The following BTG1 variants were observed in gnomAD, a reference collection of about 807,000 sequenced individuals.
The protein encoded by BTG1 is protein BTG1.
BTG1 carries 2 observed loss-of-function variants against 15.2 expected under a neutral mutation model. The observed-to-expected ratio is 0.13, with a 90% confidence interval of 0.05 to 0.41. The LOEUF (loss-of-function observed/expected upper bound fraction) is 0.41. Ranked by LOEUF, BTG1 falls within the 10% of genes least tolerant of loss-of-function variation. The probability of loss-of-function intolerance (pLI) is 0.99; values close to 1 mark genes in which losing one functional copy is unlikely to be tolerated. For missense variants in BTG1, 149 were observed against 215.0 expected (o/e 0.69, Z 1.92); for synonymous variants, 109 against 82.4 (o/e 1.32, Z -1.75).
rs1296607580 is a variant in BTG1, at chr12:92,140,403, G to T, written c.*3677C>A. On this transcript the variant is annotated 3_prime_UTR_variant, in exon 2 of 2. Transcript: ENST00000256015. ...TACTCCACAAAGTGTTGAGGAAATG[G>T]TATCAATCCTCAGGATTAATACAAT... The T allele has an allele frequency of 4.5e-6, 1 of 222,598 alleles. No homozygotes were observed. The highest frequency in any genetic ancestry group is 9.0e-6 in the Non-Finnish European group (1 of 111,572). The allele number at this position is 222,598 out of a possible 1,614,324, so 13.8% of individuals were successfully genotyped here. A position where few individuals can be genotyped will look rare whatever the true frequency, so the allele number is the denominator to read the frequency against.
chr12:92,144,794 T>C (rs1215099417), intron 1 of BTG1, among the ~76,000 whole-genome samples: 4 of 151,618 alleles, frequency 2.6e-5, no homozygotes, highest in Non-Finnish European at 4.4e-5. Flanking sequence ...CACAATGGAG[T>C]TGATGGCTTT....
Position 92,143,061 on chromosome 12 carries a change from T to C in BTG1, c.*1019A>G, listed in dbSNP as rs561800502. The C allele has an allele frequency of 5.6e-5, 13 of 232,756 alleles. No homozygotes were observed. The highest frequency in any genetic ancestry group is 8.5e-5 in the Non-Finnish European group (10 of 117,850). 14.4% of individuals were successfully genotyped at this position (232,756 alleles called of 1,614,324 possible). A position where few individuals can be genotyped will look rare whatever the true frequency, so the allele number is the denominator to read the frequency against. ...CAGTGTGCAACAGAGATTCAGTTTA[T>C]AGAACCTGTCTTCTAAGAAAAAATA... On this transcript the variant is annotated 3_prime_UTR_variant, in exon 2 of 2. Coordinates refer to ENST00000256015, the MANE Select transcript of BTG1 (RefSeq NM_001731.3).
intron 1 of BTG1, chr12:92,145,165 C>T (rs1870502399): frequency 1.1e-5 from 6 of 561,062 alleles, no homozygotes; most frequent in Non-Finnish European, 1.6e-5. Context: ...GTCTTCTCCT[C>T]TCCGTTTTGC....
intron 1 of BTG1, 200 bp downstream of exon 1, chr12:92,145,188 A>G: frequency 1.4e-6 from 1 of 705,230 alleles, no homozygotes; most frequent in East Asian, 3.7e-5. Flanking sequence ...GCTGGGGGGA[A>G]GGGGGCGCCC....
Position 92,141,258 on chromosome 12 carries a change from C to T in BTG1, c.*2822G>A, listed in dbSNP as rs1870204686. On this transcript the variant is annotated 3_prime_UTR_variant, in exon 2 of 2. Transcript: ENST00000256015. Reference sequence around the variant, plus strand: ...GTGCAATGTACCTGAAAGCCACTTTCTGGTGGCCTTTCCAGTCTATTATTA... The same window carrying T: ...GTGCAATGTACCTGAAAGCCACTTTTTGGTGGCCTTTCCAGTCTATTATTA... The T allele has an allele frequency of 4.3e-6, 1 of 232,516 alleles. No individual in the cohort carries two copies. The highest frequency in any genetic ancestry group is 2.2e-5 in the African/African-American group (1 of 45,316). The allele number at this position is 232,516 out of a possible 1,614,324, so 14.4% of individuals were successfully genotyped here.
intron 1 of BTG1, chr12:92,145,182 G>C (rs938601829): frequency 9.0e-6 from 6 of 669,476 alleles, no homozygotes; most frequent in African/African-American, 1.9e-5. Flanking sequence ...TTGCCAGCTG[G>C]GGGGAAGGGG....
intron 1 of BTG1, 21 bp downstream of exon 1, chr12:92,145,367 C>G: frequency 6.5e-7 from 1 of 1,530,194 alleles, no homozygotes; most frequent in Non-Finnish European, 8.8e-7. Context: ...CGCGTCCCTC[C>G]GACGCCCTCG....
Position 92,140,977 on chromosome 12 carries a change from T to C in BTG1, c.*3103A>G, listed in dbSNP as rs965042451. ...ATGCAAAGTACAACTTCAGTTATCATACCTCTCTTCTGTAAAGAGGAAGAA... is the reference window on the plus strand; with the variant it reads ...ATGCAAAGTACAACTTCAGTTATCACACCTCTCTTCTGTAAAGAGGAAGAA... On this transcript the variant is annotated 3_prime_UTR_variant, in exon 2 of 2. Coordinates refer to ENST00000256015, the MANE Select transcript of BTG1 (RefSeq NM_001731.3). 81 of 232,822 alleles carry C rather than the reference T, an allele frequency of 3.5e-4. 1 individual carries two copies. The highest frequency in any genetic ancestry group is 3.1e-3 in the Admixed American group (56 of 17,804). 14.4% of individuals were successfully genotyped at this position (232,822 alleles called of 1,614,324 possible).
Position 92,141,561 on chromosome 12 carries a change from C to T in BTG1, c.*2519G>A. The T allele has an allele frequency of 4.3e-6, 1 of 231,338 alleles. No individual in the cohort carries two copies. Among genetic ancestry groups the T allele is most frequent in the East Asian group, 6.1e-5 (1 of 16,298 alleles). The allele number at this position is 231,338 out of a possible 1,614,324, so 14.3% of individuals were successfully genotyped here. A position where few individuals can be genotyped will look rare whatever the true frequency, so the allele number is the denominator to read the frequency against. On this transcript the variant is annotated 3_prime_UTR_variant, in exon 2 of 2. Coordinates refer to ENST00000256015, the MANE Select transcript of BTG1 (RefSeq NM_001731.3). ...AGGCAACAATAATTTTGAAAGTAGT[C>T]ATCCTATCTTAAAAGGATTTATAAT...
chr12:92,142,105 T>A lies in BTG1; in HGVS notation c.*1975A>T, dbSNP rs1374838982. ...AAACCATAACAATTGGCAAGGGTAG[T>A]CCATGTGTTGCGGGTCTACGAATTC... On this transcript the variant is annotated 3_prime_UTR_variant, in exon 2 of 2. Coordinates refer to ENST00000256015, the MANE Select transcript of BTG1 (RefSeq NM_001731.3). The A allele has an allele frequency of 4.3e-6, 1 of 232,042 alleles. No homozygotes were observed. The highest frequency in any genetic ancestry group is 8.5e-6 in the Non-Finnish European group (1 of 117,414). 14.4% of individuals were successfully genotyped at this position (232,042 alleles called of 1,614,324 possible).
rs1592657045 is a variant in BTG1 at position 92,143,874 on chromosome 12, GC to G, written c.*205del. The G allele has an allele frequency of 1.8e-6, 1 of 555,696 alleles. No individual in the cohort carries two copies. Among genetic ancestry groups the G allele is most frequent in the Non-Finnish European group, 3.0e-6 (1 of 329,350 alleles). 34.4% of individuals were successfully genotyped at this position (555,696 alleles called of 1,614,324 possible). A position where few individuals can be genotyped will look rare whatever the true frequency, so the allele number is the denominator to read the frequency against. On this transcript the variant is annotated 3_prime_UTR_variant, in exon 2 of 2. Transcript: ENST00000256015. ...AGTGATCATTTACTTGGACTCACAG[GC>G]TATTAAAATTAATCATTGAAAGGTA...
intron 1 of BTG1, 123 bp downstream of exon 1, chr12:92,145,265 C>A: frequency 1.5e-6 from 2 of 1,305,042 alleles, no homozygotes; most frequent in Non-Finnish European, 2.0e-6. Context: ...CCACACCGGT[C>A]CCGCGGCGGG....
In BTG1 at chr12:92,145,474, A is replaced by G; in HGVS notation, c.62T>C (p.Phe21Ser). 6.3e-7 allele frequency: 1 copy of G among 1,590,586 alleles called. No individual in the cohort carries two copies. The highest frequency in any genetic ancestry group is 2.4e-5 in the East Asian group (1 of 41,274). ...MIGEIAAAVS[F>S]ISKFLRTKGL... ...CTTGGTGCGGAGAAACTTGGAGATG[A>G]AGGACACGGCGGCGGCGATCTCGCC... The change falls in exon 1 of 2, where the codon TTC becomes TCC. Residue 21 changes from phenylalanine (F) to serine (S), a missense_variant. Around this residue, in one of 3 missense-constraint regions of BTG1, gnomAD observed 63 missense variants for 60.8 expected, o/e 1.04. Coordinates refer to ENST00000256015, the MANE Select transcript of BTG1 (RefSeq NM_001731.3).
chr12:92,145,041 A>C, intron 1 of BTG1: 1 of 187,796 alleles, frequency 5.3e-6, no homozygotes, highest in Non-Finnish European at 1.1e-5. Context: ...GGGCTGAGGA[A>C]AGGGGACGTC....
In BTG1 at chr12:92,144,196, T is replaced by C. The variant is rs1228361802; in HGVS notation, c.400A>G (p.Thr134Ala). The C allele has an allele frequency of 1.2e-6, 2 of 1,614,064 alleles. No homozygotes were observed. The highest frequency in any genetic ancestry group is 1.3e-5 in the African/African-American group (1 of 74,934). ...LYEASPAGGS[T>A]QNSTNVQMVD... The stretch of plus-strand genomic sequence containing the variant: ...ATTTGCACGTTGGTGCTGTTTTGAG[T>C]GCTACCTCCTGCTGGTGAGGCTTCA... Residue 134 changes from threonine to alanine, a missense_variant, in exon 2 of 2, where the codon ACT becomes GCT. By Grantham distance (58) the Thr-to-Ala change is moderately conservative. This residue lies in a region of BTG1 where 52 missense variants were observed against 57.4 expected (regional missense o/e 0.91). Transcript: ENST00000256015.
In BTG1 at chr12:92,140,434, G is replaced by C. The variant is rs1283641112; in HGVS notation, c.*3646C>G. On this transcript the variant is annotated 3_prime_UTR_variant, in exon 2 of 2. Transcript: ENST00000256015. ...ATCCTCAGGATTAATACAATCTAAG[G>C]CTTACTTGTTTAGGAGCATTTCAAA... 1.3e-5 allele frequency: 3 copies of C among 225,560 alleles called. No individual in the cohort carries two copies. The highest frequency in any genetic ancestry group is 6.7e-5 in the African/African-American group (3 of 44,896). The allele number at this position is 225,560 out of a possible 1,614,324, so 14.0% of individuals were successfully genotyped here. A position where few individuals can be genotyped will look rare whatever the true frequency, so the allele number is the denominator to read the frequency against.
At chr12:92,144,492 A>G (rs1450656068) in intron 1 of BTG1, 45 bp from the exon 2 acceptor site, 14 of 1,596,946 alleles carry the variant, frequency 8.8e-6, no homozygotes, top group Non-Finnish European at 1.2e-5. Flanking sequence ...TAGGATCGTT[A>G]GCTCCCACTG....
rs764927448 is a variant in BTG1, at chr12:92,144,076, T to C, written c.*4A>G. 5.0e-6 allele frequency: 8 copies of C among 1,610,996 alleles called. No homozygotes were observed. Among genetic ancestry groups the C allele is most frequent in the Admixed American group, 1.7e-5 (1 of 59,720 alleles). ...CATCAGATGATCCATCCACAGACTATATCTTAACCTGATACAGTCATCATA... is the reference window on the plus strand; with the variant it reads ...CATCAGATGATCCATCCACAGACTACATCTTAACCTGATACAGTCATCATA... On this transcript the variant is annotated 3_prime_UTR_variant, in exon 2 of 2. Transcript: ENST00000256015.
rs143359363 is a variant in BTG1, at chr12:92,142,671, C to G, written c.*1409G>C. 1.4e-3 allele frequency: 336 copies of G among 233,064 alleles called. 1 individual carries two copies. Among genetic ancestry groups the G allele is most frequent in the African/African-American group, 5.7e-3 (261 of 45,446 alleles). The allele number at this position is 233,064 out of a possible 1,614,324, so 14.4% of individuals were successfully genotyped here. A position where few individuals can be genotyped will look rare whatever the true frequency, so the allele number is the denominator to read the frequency against. ...CTTGCAGGTGATGAAAAGCAAAAAGCAACCAATCTCTCTGTGGTGTTTAGC... is the reference window on the plus strand; with the variant it reads ...CTTGCAGGTGATGAAAAGCAAAAAGGAACCAATCTCTCTGTGGTGTTTAGC... On this transcript the variant is annotated 3_prime_UTR_variant, in exon 2 of 2. Coordinates refer to ENST00000256015, the MANE Select transcript of BTG1 (RefSeq NM_001731.3).
Sources: gnomAD v4.1 joint callset for allele counts (sites outside exome capture counted in the v4.1 genomes callset) on GRCh38, gnomAD v4.1.1 for gene constraint, gnomAD v4.1.1 regional missense constraint, MANE v1.5 for transcripts, NCBI Gene and HGNC (gene_info 2026-07-23, HGNC 2026-07-21) for gene names.